ACSS3: variants seen among roughly 807,000 people sequenced by gnomAD.
ACSS3 encodes the protein acyl-CoA synthetase short chain family member 3, also known as acyl-CoA synthetase short-chain family member 3, mitochondrial.
In ACSS3, 64 loss-of-function variants were observed where a neutral mutation model predicts 84.2. The ratio of observed to expected loss-of-function variants is 0.76; its 90% CI spans 0.62 to 0.94. ACSS3 has a LOEUF of 0.94. Ranked by LOEUF, ACSS3 falls within the 40% of genes least tolerant of loss-of-function variation. ACSS3 has a pLI of 0.00. For synonymous variants in ACSS3, 317 were observed against 310.1 expected (o/e 1.02, Z -0.23); for missense variants, 815 against 867.6 (o/e 0.94, Z 0.76).
chr12:81,157,516 A>C (rs1234565086), intron 7 of ACSS3, among the ~76,000 whole-genome samples: 1 of 152,158 alleles, frequency 6.6e-6, no homozygotes, highest in African/African-American at 2.4e-5. Context: ...TTTAATAAAG[A>C]AGTATAGGGA....
At chr12:81,216,339 T>C (rs540181307) in intron 9 of ACSS3, among the ~76,000 whole-genome samples, 3 of 151,992 alleles carry the variant, frequency 2.0e-5, no homozygotes, top group South Asian at 4.2e-4. Context: ...TTAGGAGATA[T>C]ACCTAATGCT....
chr12:81,164,557 G>T (rs1007407354), intron 7 of ACSS3, among the ~76,000 whole-genome samples: 4 of 152,030 alleles, frequency 2.6e-5, no homozygotes, highest in African/African-American at 9.7e-5. Context: ...GGAACTGCTC[G>T]CAAGTTATTT....
At chr12:81,240,476 T>C (rs2033761150) in intron 13 of ACSS3, among the ~76,000 whole-genome samples, 1 of 151,980 alleles carries the variant, frequency 6.6e-6, no homozygotes, top group Non-Finnish European at 1.5e-5. Context: ...TATAATTGAG[T>C]CTTGTTTTTG....
At chr12:81,187,877 C>G (rs2031359134) in intron 8 of ACSS3, among the ~76,000 whole-genome samples, 1 of 151,710 alleles carries the variant, frequency 6.6e-6, no homozygotes, top group African/African-American at 2.4e-5. Context: ...ATGTATGACT[C>G]AAGGTTACGC....
At chr12:81,160,828 A>G (rs1887113871) in intron 7 of ACSS3, among the ~76,000 whole-genome samples, 1 of 152,186 alleles carries the variant, frequency 6.6e-6, no homozygotes, top group Non-Finnish European at 1.5e-5. Flanking sequence ...TAAGGCTGCC[A>G]TGGTATGATT....
intron 9 of ACSS3, among the ~76,000 whole-genome samples, chr12:81,205,179 C>T (rs1359529570): frequency 9.2e-5 from 14 of 151,988 alleles, no homozygotes; most frequent in African/African-American, 3.4e-4. Flanking sequence ...TAAAGTGGAC[C>T]CAAAGGCTCC....
At chr12:81,089,272 G>T (rs993197947) in intron 1 of ACSS3, among the ~76,000 whole-genome samples, 2 of 151,432 alleles carry the variant, frequency 1.3e-5, no homozygotes, top group Non-Finnish European at 2.9e-5. Flanking sequence ...ACGTTGATGT[G>T]TACTATTTCT....
At chr12:81,102,408 A>G (rs1462793911) in intron 1 of ACSS3, among the ~76,000 whole-genome samples, 2 of 152,134 alleles carry the variant, frequency 1.3e-5, no homozygotes, top group Non-Finnish European at 2.9e-5. Flanking sequence ...AGTTTGTGTG[A>G]TGTCTGTGCA....
chr12:81,251,837 T>C (rs925344753), intron 13 of ACSS3, among the ~76,000 whole-genome samples: 4 of 151,974 alleles, frequency 2.6e-5, no homozygotes, highest in African/African-American at 9.7e-5. Flanking sequence ...AGTGAGATCT[T>C]GTCTCAAACA....
intron 13 of ACSS3, among the ~76,000 whole-genome samples, chr12:81,235,898 C>T (rs2033615936): frequency 6.6e-6 from 1 of 151,318 alleles, no homozygotes; most frequent in Non-Finnish European, 1.5e-5. Context: ...TCTGTGTAAA[C>T]AATTATGTTA....
At chr12:81,102,045 G>GCACACACA (rs68004924) in intron 1 of ACSS3, among the ~76,000 whole-genome samples, 6 of 149,058 alleles carry the variant, frequency 4.0e-5, no homozygotes, top group South Asian at 2.1e-4. Flanking sequence ...TTATGCACAC[G>GCACACACA]CACACACACA....
chr12:81,229,383 T>A (rs2033380455), intron 11 of ACSS3, among the ~76,000 whole-genome samples: 1 of 151,872 alleles, frequency 6.6e-6, no homozygotes, highest in South Asian at 2.1e-4. Context: ...TTTCCTAAGA[T>A]CCTCTTTGCT....
Position 81,151,900 on chromosome 12 carries a change from C to A in ACSS3, c.978C>A (p.Ser326=). The change falls in exon 6 of 16, where the codon TCC becomes TCA. Residue 326 remains serine (S), a synonymous_variant. Transcript: ENST00000548058. ...TCATGCTACACTGGTCAATGTCTTC[C>A]ATATACGGACTTCAACCCGGAGAGG... ...YAVMLHWSMS[S]IYGLQPGEVW... is the part of the protein sequence containing the mutation. 2.5e-6 allele frequency: 4 copies of A among 1,613,840 alleles called. No homozygotes were observed. Among genetic ancestry groups the A allele is most frequent in the Non-Finnish European group, 3.4e-6 (4 of 1,179,858 alleles).
intron 2 of ACSS3, 120 bp downstream of exon 2, chr12:81,109,824 T>C: frequency 2.4e-6 from 2 of 839,964 alleles, no homozygotes; most frequent in Non-Finnish European, 3.4e-6. Context: ...GCCATGCTTT[T>C]CTTTTGATAC....
intron 8 of ACSS3, among the ~76,000 whole-genome samples, chr12:81,194,853 G>A (rs1293576734): frequency 7.4e-6 from 1 of 134,280 alleles, no homozygotes; most frequent in African/African-American, 2.5e-5. Flanking sequence ...AGAGACTGGG[G>A]GATAGTCAAA....
intron 8 of ACSS3, among the ~76,000 whole-genome samples, chr12:81,181,747 CAAAAAAA>C (rs59878486): frequency 1.3e-4 from 6 of 47,914 alleles, no homozygotes; most frequent in African/African-American, 2.9e-4. Flanking sequence ...ATCAATTAAG[CAAAAAAA>C]AAAAAAAAAA....
rs1400371585 is a variant in ACSS3, at chr12:81,105,214, G to A, written c.312-4346G>A. ...AGCGGCCATCATAAAAGTGCTTCAAGGAACAATTATGAACACATTCAAAAC... is the reference window on the plus strand; with the variant it reads ...AGCGGCCATCATAAAAGTGCTTCAAAGAACAATTATGAACACATTCAAAAC... On this transcript the variant is annotated intron_variant, in intron 1 of 15. Transcript: ENST00000548058. Among the ~76,000 whole-genome samples the A allele has an allele frequency of 2.6e-5, 4 of 152,018 alleles. No individual in the cohort carries two copies. In the South Asian group the frequency reaches 6.2e-4, roughly 24 times the overall value.
chr12:81,133,921 T>C (rs909730039), intron 2 of ACSS3, among the ~76,000 whole-genome samples: 3 of 152,020 alleles, frequency 2.0e-5, no homozygotes, highest in Non-Finnish European at 4.4e-5. Context: ...GATCTGGGAG[T>C]ACTTCCCACA....
chr12:81,101,400 A>T (rs574095439), intron 1 of ACSS3, among the ~76,000 whole-genome samples: 1 of 152,158 alleles, frequency 6.6e-6, no homozygotes, highest in Non-Finnish European at 1.5e-5. Flanking sequence ...TTACATAAAA[A>T]TACAGACTAT....
Sources: allele counts gnomAD v4.1 joint callset (sites outside exome capture counted in the v4.1 genomes callset), GRCh38; gene constraint gnomAD v4.1.1; transcripts MANE v1.5; gene names NCBI Gene and HGNC (gene_info 2026-07-23, HGNC 2026-07-21).